TCP11: variants seen among roughly 807,000 people sequenced by gnomAD.
TCP11 encodes the protein T-complex protein 11 homolog.
In TCP11, 34 loss-of-function variants were observed where a neutral mutation model predicts 45.0. That is an observed-to-expected ratio of 0.76 (90% CI 0.57 to 1.01). The LOEUF (loss-of-function observed/expected upper bound fraction) is 1.01. Ranked by LOEUF, TCP11 falls within the 50% of genes least tolerant of loss-of-function variation. The pLI, the probability that TCP11 is intolerant of heterozygous loss-of-function variation, is 0.00. For missense variants in TCP11, 523 were observed against 598.1 expected (o/e 0.87, Z 1.31); for synonymous variants, 227 against 227.0 (o/e 1.00, Z 0.00).
At chr6:35,132,999 C>T (rs1780622965) in intron 3 of TCP11, among the ~76,000 whole-genome samples, 1 of 152,200 alleles carries the variant, frequency 6.6e-6, no homozygotes. Context: ...ACCAGAGGAG[C>T]AACATGTGAT....
At chr6:35,121,925 G>A (rs749654607) in intron 5 of TCP11, among the ~76,000 whole-genome samples, 192 bp downstream of exon 5, 1 of 152,178 alleles carries the variant, frequency 6.6e-6, no homozygotes, top group African/African-American at 2.4e-5. Context: ...TCAAGCTAAG[G>A]ATAACCAAAA....
Position 35,118,383 on chromosome 6 carries a change from CT to C in TCP11, c.1397del (p.Lys466SerfsTer5), listed in dbSNP as rs754859608. On this transcript the variant is annotated frameshift_variant, in exon 10 of 10. Coordinates refer to ENST00000311875, the MANE Select transcript of TCP11 (RefSeq NM_001370687.1). LOFTEE classifies it low-confidence loss of function (END_TRUNC). ...IEAELAELGQ[K>X]FVNLTHHNQQ... ...GATTGTGATGTGTCAAGTTGACAAA[CT>C]TTTGGCCCAGTTCTGCCAGTTCTGC... is the stretch of plus-strand genomic sequence containing the variant. 3.3e-5 allele frequency: 53 copies of C among 1,614,060 alleles called. No homozygotes were observed. Among genetic ancestry groups the C allele is most frequent in the Non-Finnish European group, 4.2e-5 (50 of 1,180,030 alleles).
Position 35,122,209 on chromosome 6 carries a change from G to A in TCP11, c.486C>T (p.Tyr162=), listed in dbSNP as rs144798611. The change falls in exon 5 of 10, where the codon TAC becomes TAT. Residue 162 remains tyrosine, a synonymous_variant. Transcript: ENST00000311875. ...GALKVLYLSK[Y]VLNMMALLCA... is the part of the protein sequence containing the mutation. ...ACAGCAAAGCCATCATGTTGAGAAC[G>A]TACTTAGAGAGATAGAGGACTTTCA... 4.3e-5 allele frequency: 69 copies of A among 1,614,068 alleles called. No homozygotes were observed. The highest frequency in any genetic ancestry group is 2.2e-5 in the South Asian group (2 of 91,084).
At position 35,136,152 on chromosome 6, in the gene TCP11, A is replaced by C. The variant is rs904401585; in HGVS notation, c.191T>G (p.Met64Arg). The C allele has an allele frequency of 6.2e-7, 1 of 1,613,784 alleles. No homozygotes were observed. The highest frequency in any genetic ancestry group is 8.5e-7 in the Non-Finnish European group (1 of 1,179,840). The stretch of plus-strand genomic sequence containing the variant: ...CTCTTCCATGTAGTAATCACAATTC[A>C]TCCCAATCTTGTTGCTCAGCTTGGA... ...EVSKLSNKIG[M>R]NCDYYMEEKV... Residue 64 changes from methionine to arginine, a missense_variant, in exon 3 of 10, where the codon ATG (methionine) becomes AGG (arginine). Coordinates refer to ENST00000311875, the MANE Select transcript of TCP11 (RefSeq NM_001370687.1).
chr6:35,129,881 TC>T (rs1562001486), intron 3 of TCP11, among the ~76,000 whole-genome samples: 2 of 152,152 alleles, frequency 1.3e-5, no homozygotes, highest in Non-Finnish European at 2.9e-5. Context: ...CGCAAGCAAA[TC>T]TCTTGCCCCT....
Position 35,118,294 on chromosome 6 carries a change from A to G in TCP11, c.1487T>C (p.Leu496Pro). The G allele has an allele frequency of 6.2e-7, 1 of 1,614,172 alleles. No individual in the cohort carries two copies. The highest frequency in any genetic ancestry group is 8.5e-7 in the Non-Finnish European group (1 of 1,180,024). ...LKTLISPAQA[L>P]ETKVESV ...TCAAACAGACTCCACTTTTGTTTCCAGTGCCTGGGCTGGGGAAATGAGGGT... is the reference window on the plus strand; with the variant it reads ...TCAAACAGACTCCACTTTTGTTTCCGGTGCCTGGGCTGGGGAAATGAGGGT... The change falls in exon 10 of 10, where the codon CTG (leucine) becomes CCG (proline). Residue 496 changes from leucine (L) to proline (P), a missense_variant. Around this residue, in one of 2 missense-constraint regions of TCP11, gnomAD observed 298 missense variants for 387.9 expected, o/e 0.77. Transcript: ENST00000311875.
intron 3 of TCP11, 88 bp from the exon 4 acceptor site, chr6:35,129,270 T>C: frequency 6.7e-7 from 1 of 1,490,112 alleles, no homozygotes; most frequent in South Asian, 1.4e-5. Context: ...CTGAATTTGA[T>C]ATGGTAAAAG....
Position 35,118,127 on chromosome 6 carries a change from T to C in TCP11, c.*142A>G, listed in dbSNP as rs994258881. 2.9e-6 allele frequency: 2 copies of C among 692,740 alleles called. No homozygotes were observed. The highest frequency in any genetic ancestry group is 1.8e-5 in the African/African-American group (1 of 56,436). The allele number at this position is 692,740 out of a possible 1,614,324, so 42.9% of individuals were successfully genotyped here. A position where few individuals can be genotyped will look rare whatever the true frequency, so the allele number is the denominator to read the frequency against. On this transcript the variant is annotated 3_prime_UTR_variant, in exon 10 of 10. Transcript: ENST00000311875. ...GGGTATGGACCAGTTGGTGTTTACA[T>C]GCTTGATCCCTACAGCCTTGGTGTA... is the stretch of plus-strand genomic sequence containing the variant.
rs1478952228 is a variant in TCP11, at chr6:35,118,143, C to T, written c.*126G>A. 2 of 768,672 alleles carry T rather than the reference C, an allele frequency of 2.6e-6. No individual in the cohort carries two copies. The highest frequency in any genetic ancestry group is 3.4e-5 in the South Asian group (2 of 59,278). The allele number at this position is 768,672 out of a possible 1,614,324, so 47.6% of individuals were successfully genotyped here. A position where few individuals can be genotyped will look rare whatever the true frequency, so the allele number is the denominator to read the frequency against. ...GTGTTTACATGCTTGATCCCTACAG[C>T]CTTGGTGTACTGGCTGCAGGGCCTG... On this transcript the variant is annotated 3_prime_UTR_variant, in exon 10 of 10. Transcript: ENST00000311875.
intron 2 of TCP11, 118 bp downstream of exon 2, chr6:35,140,629 A>G (rs1180920521): frequency 4.2e-6 from 3 of 708,498 alleles, no homozygotes; most frequent in Non-Finnish European, 7.7e-6. Flanking sequence ...GGAGAAACGG[A>G]GAAAGACAAA....
rs578123399 is a variant in TCP11, at chr6:35,131,843, C to A, written c.237-2661G>T. Among the ~76,000 whole-genome samples, 186 of 152,248 alleles carry A rather than the reference C, an allele frequency of 1.2e-3. 1 individual carries two copies. Among genetic ancestry groups the A allele is most frequent in the African/African-American group, 4.4e-3 (181 of 41,544 alleles). ...TCTCCAACTCCTAGTTGCAAGTGAT[C>A]CACTCGCCTCGGCCTCCCAAAATGC... is the stretch of plus-strand genomic sequence containing the variant. On this transcript the variant is annotated intron_variant, in intron 3 of 9. Transcript: ENST00000311875.
chr6:35,135,178 C>T (rs1780928130), intron 3 of TCP11, among the ~76,000 whole-genome samples: 1 of 149,780 alleles, frequency 6.7e-6, no homozygotes, highest in Non-Finnish European at 1.5e-5. Flanking sequence ...GTAGCAGAAA[C>T]AATGGGATGT....
chr6:35,136,252 T>C, intron 2 of TCP11, 34 bp from the exon 3 acceptor site: 4 of 1,533,470 alleles, frequency 2.6e-6, no homozygotes, highest in Non-Finnish European at 3.6e-6. Flanking sequence ...CATGCAAGTC[T>C]GAATTTCTAT....
At chr6:35,137,883 A>G (rs1562010611) in intron 2 of TCP11, 2 of 440,396 alleles carry the variant, frequency 4.5e-6, no homozygotes, top group African/African-American at 4.1e-5. Flanking sequence ...GGCTCATTGT[A>G]TTAGTCATTC....
chr6:35,122,068 G>C, intron 5 of TCP11, 49 bp downstream of exon 5: 1 of 1,591,502 alleles, frequency 6.3e-7, no homozygotes, highest in Non-Finnish European at 8.6e-7. Context: ...CAGCTTTTCC[G>C]GGCTCAGGGG....
At chr6:35,122,938 G>T (rs555366744) in intron 4 of TCP11, among the ~76,000 whole-genome samples, 1 of 152,136 alleles carries the variant, frequency 6.6e-6, no homozygotes, top group East Asian at 1.9e-4. Context: ...TAAAATCAAA[G>T]TTGCTCCATA....
intron 4 of TCP11, among the ~76,000 whole-genome samples, chr6:35,124,128 T>C (rs1246762303): frequency 2.0e-5 from 3 of 152,126 alleles, no homozygotes; most frequent in African/African-American, 7.2e-5. Flanking sequence ...TGCACCACAT[T>C]TGTGTTTGCT....
chr6:35,122,460 C>T (rs1438349354), intron 4 of TCP11, 123 bp from the exon 5 acceptor site: 3 of 798,384 alleles, frequency 3.8e-6, no homozygotes, highest in Non-Finnish European at 5.9e-6. Context: ...AGTTGGGTCC[C>T]TAAATTTCCC....
At chr6:35,123,420 G>A (rs540227873) in intron 4 of TCP11, among the ~76,000 whole-genome samples, 1 of 151,460 alleles carries the variant, frequency 6.6e-6, no homozygotes, top group Non-Finnish European at 1.5e-5. Flanking sequence ...CAAGGTGAAG[G>A]ACAAATTGCT....
Sources: gnomAD v4.1 joint callset for allele counts (sites outside exome capture counted in the v4.1 genomes callset) on GRCh38, gnomAD v4.1.1 for gene constraint, gnomAD v4.1.1 regional missense constraint, MANE v1.5 for transcripts, NCBI Gene and HGNC (gene_info 2026-07-23, HGNC 2026-07-21) for gene names.